Variants in SP100 observed in about 807,000 individuals in gnomAD.
SP100 encodes the protein SP100 nuclear body protein, also known as nuclear autoantigen Sp-100.
In SP100, 84 loss-of-function variants were observed where a neutral mutation model predicts 130.0. The observed-to-expected ratio is 0.65, with a 90% CI of 0.54 to 0.77. The LOEUF is 0.77. Ranked by LOEUF, SP100 falls within the 30% of genes least tolerant of loss-of-function variation. The pLI is 0.00. For missense variants in SP100, 978 were observed against 1,052.2 expected, an observed-to-expected ratio of 0.93 and a Z score of 0.97; for synonymous variants, 331 against 351.7, an observed-to-expected ratio of 0.94 and a Z score of 0.66.
intron 18 of SP100, 135 bp downstream of exon 18, chr2:230,494,595 AC>A (rs1480185486): frequency 1.3e-5 from 9 of 674,818 alleles, no homozygotes; most frequent in African/African-American, 3.7e-5. Flanking sequence ...TCTTTAGAGT[AC>A]CAGCTAAGTC....
chr2:230,449,142 C>A lies in SP100; in HGVS notation c.578C>A (p.Ser193Tyr), dbSNP rs746223402. The A allele has an allele frequency of 5.0e-6, 8 of 1,614,058 alleles. No homozygotes were observed. In the East Asian group the frequency reaches 1.8e-4, roughly 36 times the overall value. ...ACTTGGCCACCTTCGGGTTCCCCAT[C>A]TCATGCTGGTTTGTTCCTGTTTACT... ...SLTWPPSGSP[S>Y]HAGTTPPENG... is the part of the protein sequence containing the mutation. The change falls in exon 6 of 29, where the codon TCT (serine) becomes TAT (tyrosine). Residue 193 changes from serine (S) to tyrosine (Y), a missense_variant. Coordinates refer to ENST00000340126, the MANE Select transcript of SP100 (RefSeq NM_001080391.2).
intron 25 of SP100, among the ~76,000 whole-genome samples, chr2:230,540,235 A>C (rs1443341728): frequency 2.0e-5 from 3 of 152,182 alleles, no homozygotes; most frequent in Non-Finnish European, 4.4e-5. Context: ...GGCCAAGGGG[A>C]TGCTGGCATC....
intron 24 of SP100, among the ~76,000 whole-genome samples, chr2:230,526,326 C>T (rs546969733): frequency 6.6e-6 from 1 of 152,294 alleles, no homozygotes; most frequent in South Asian, 2.1e-4. Context: ...AGGGGTCTGA[C>T]TGTTAGAAGG....
chr2:230,418,199 T>A (rs985415608), intron 2 of SP100, among the ~76,000 whole-genome samples: 1 of 152,246 alleles, frequency 6.6e-6, no homozygotes, highest in Non-Finnish European at 1.5e-5. Context: ...CTTTTCAGTC[T>A]TTCACTTTGT....
intron 8 of SP100, among the ~76,000 whole-genome samples, chr2:230,451,171 T>C (rs527830579): frequency 1.3e-5 from 2 of 152,370 alleles, no homozygotes; most frequent in Admixed American, 1.3e-4. Flanking sequence ...AATTCATGGA[T>C]TGTATGGGTA....
rs1241508964 is a variant in SP100 at position 230,506,347 on chromosome 2, A to G, written c.1915A>G (p.Thr639Ala). The change falls in exon 22 of 29, where the codon ACT (threonine) becomes GCT (alanine). Residue 639 changes from threonine to alanine, a missense_variant. Physicochemically the swap from Thr to Ala is moderately conservative, Grantham distance 58. Coordinates refer to ENST00000340126, the MANE Select transcript of SP100 (RefSeq NM_001080391.2). ...CIQSEDKKWF[T>A]PREFEIEGDR... is the part of the protein sequence containing the mutation. ...ACAGAGTGAGGATAAAAAGTGGTTCACTCCCAGGGAATTTGAAATTGAAGG... is the reference window on the plus strand; with the variant it reads ...ACAGAGTGAGGATAAAAAGTGGTTCGCTCCCAGGGAATTTGAAATTGAAGG... The G allele has an allele frequency of 2.5e-6, 4 of 1,613,800 alleles. No individual in the cohort carries two copies. Among genetic ancestry groups the G allele is most frequent in the Non-Finnish European group, 3.4e-6 (4 of 1,179,850 alleles).
chr2:230,467,246 T>G, intron 13 of SP100, 31 bp downstream of exon 13: 2 of 1,488,868 alleles, frequency 1.3e-6, no homozygotes, highest in Non-Finnish European at 1.9e-6. Context: ...TTCAGGGCTC[T>G]GACTTCAGAG....
chr2:230,475,650 T>G (rs1194299599), intron 17 of SP100, among the ~76,000 whole-genome samples: 1 of 152,208 alleles, frequency 6.6e-6, no homozygotes, highest in Non-Finnish European at 1.5e-5. Context: ...AGGTTTATTC[T>G]AGGATTTTTA....
In SP100 at chr2:230,544,814, G is replaced by C. The variant is rs111773884; in HGVS notation, c.*1868G>C. On this transcript the variant is annotated 3_prime_UTR_variant, in exon 29 of 29. Transcript: ENST00000340126. ...ACTTTCCAAAAGAAGATACACATGC[G>C]GCCAACAAGCATGTTTTAAAAGCTC... Among the ~76,000 whole-genome samples, 2 of 152,208 alleles carry C rather than the reference G, an allele frequency of 1.3e-5. No homozygotes were observed. The highest frequency in any genetic ancestry group is 3.4e-3 in the Middle Eastern group (1 of 294).
chr2:230,490,517 A>C (rs1482190286), intron 17 of SP100, among the ~76,000 whole-genome samples: 1 of 152,142 alleles, frequency 6.6e-6, no homozygotes, highest in Non-Finnish European at 1.5e-5. Flanking sequence ...TTATGTGTGA[A>C]TTTGATCTTG....
At chr2:230,512,059 G>T (rs972259170) in intron 24 of SP100, among the ~76,000 whole-genome samples, 2 of 151,744 alleles carry the variant, frequency 1.3e-5, no homozygotes, top group Non-Finnish European at 2.9e-5. Flanking sequence ...TAGAGCCAGG[G>T]TCTCACTATG....
chr2:230,460,092 A>G (rs1437725679), intron 8 of SP100, among the ~76,000 whole-genome samples: 1 of 152,216 alleles, frequency 6.6e-6, no homozygotes, highest in African/African-American at 2.4e-5. Flanking sequence ...AGTTTGGGGT[A>G]ATCTTCCAAA....
chr2:230,489,697 G>T (rs1168041641), intron 17 of SP100, among the ~76,000 whole-genome samples: 1 of 152,148 alleles, frequency 6.6e-6, no homozygotes, highest in Non-Finnish European at 1.5e-5. Flanking sequence ...GTGTCCCAGA[G>T]ATTTTGGTAC....
intron 5 of SP100, among the ~76,000 whole-genome samples, chr2:230,448,349 C>T (rs2063804620): frequency 6.6e-6 from 1 of 152,160 alleles, no homozygotes; most frequent in Non-Finnish European, 1.5e-5. Flanking sequence ...AACATCTACT[C>T]TGTGGCGGTT....
chr2:230,418,500 T>C (rs567720800), intron 2 of SP100, among the ~76,000 whole-genome samples: 2 of 152,332 alleles, frequency 1.3e-5, no homozygotes, highest in East Asian at 3.9e-4. Flanking sequence ...TCCACGTGCC[T>C]GTGGTGGCTT....
intron 21 of SP100, among the ~76,000 whole-genome samples, chr2:230,505,409 T>C (rs1240257650): frequency 6.6e-6 from 1 of 152,130 alleles, no homozygotes; most frequent in East Asian, 1.9e-4. Context: ...TGCTAAATGG[T>C]AAGATCACAG....
chr2:230,416,433 C>A, intron 1 of SP100, 105 bp downstream of exon 1: 2 of 967,658 alleles, frequency 2.1e-6, no homozygotes, highest in Non-Finnish European at 3.2e-6. Flanking sequence ...TCCTTCTTTG[C>A]AAGAACATAG....
At chr2:230,425,265 T>G (rs1343097276) in intron 2 of SP100, among the ~76,000 whole-genome samples, 1 of 152,308 alleles carries the variant, frequency 6.6e-6, no homozygotes, top group South Asian at 2.1e-4. Context: ...ATCTTATAAC[T>G]GAAAGTCTGT....
At chr2:230,454,863 C>CA (rs1197519132) in intron 8 of SP100, among the ~76,000 whole-genome samples, 1 of 152,072 alleles carries the variant, frequency 6.6e-6, no homozygotes, top group African/African-American at 2.4e-5. Flanking sequence ...ACAATCTGTC[C>CA]ACTGCTGAAG....
Sources: allele counts gnomAD v4.1 joint callset (sites outside exome capture counted in the v4.1 genomes callset), GRCh38; gene constraint gnomAD v4.1.1; transcripts MANE v1.5; gene names NCBI Gene and HGNC (gene_info 2026-07-23, HGNC 2026-07-21).